The following AVEN variants were observed in gnomAD, a reference collection of about 807,000 sequenced individuals.
The protein encoded by AVEN is cell death regulator Aven.
In AVEN, 41 loss-of-function variants were observed where a neutral mutation model predicts 38.1. The observed-to-expected ratio is 1.08, with a 90% confidence interval of 0.84 to 1.40. AVEN has a LOEUF of 1.40. AVEN is among the 40% of genes most tolerant of loss of function. The pLI is 0.00. For missense variants in AVEN, 605 were observed against 438.8 expected, an observed-to-expected ratio of 1.38 and a Z score of -3.38; for synonymous variants, 206 against 171.8, an observed-to-expected ratio of 1.20 and a Z score of -1.56.
intron 2 of AVEN, among the ~76,000 whole-genome samples, chr15:33,896,300 T>A (rs1892229844): frequency 6.6e-6 from 1 of 152,044 alleles, no homozygotes; most frequent in Admixed American, 6.5e-5. Flanking sequence ...GACACAGATA[T>A]GAAATTAGCA....
At chr15:33,916,759 A>G (rs1194868346) in intron 2 of AVEN, among the ~76,000 whole-genome samples, 1 of 152,074 alleles carries the variant, frequency 6.6e-6, no homozygotes, top group African/African-American at 2.4e-5. Context: ...TAGTACAACC[A>G]TCGTTATTAG....
At chr15:33,854,794 C>G (rs1307962205), downstream of AVEN, 6 of 1,612,848 alleles carry the variant, frequency 3.7e-6, no homozygotes, top group East Asian at 8.9e-5. Context: ...TGGTATACAA[C>G]CATGTCAGTC....
chr15:34,033,779 T>G (rs1898975164), intron 1 of AVEN, among the ~76,000 whole-genome samples: 1 of 151,016 alleles, frequency 6.6e-6, no homozygotes, highest in African/African-American at 2.4e-5. Context: ...TACTAAAGAG[T>G]TGGGTTTTGT....
At chr15:33,914,822 A>G (rs1893062569) in intron 2 of AVEN, among the ~76,000 whole-genome samples, 1 of 152,094 alleles carries the variant, frequency 6.6e-6, no homozygotes, top group Non-Finnish European at 1.5e-5. Flanking sequence ...ATATCAGTAT[A>G]TGTACATATA....
chr15:34,045,779 A>T (rs1267389374), intron 5 of AVEN, among the ~76,000 whole-genome samples: 1 of 152,114 alleles, frequency 6.6e-6, no homozygotes, highest in Non-Finnish European at 1.5e-5. Flanking sequence ...AGTCCACTCG[A>T]CAAGAAAAGG....
intron 2 of AVEN, among the ~76,000 whole-genome samples, chr15:33,998,767 C>G (rs762786040): frequency 2.0e-4 from 30 of 152,322 alleles, no homozygotes; most frequent in Non-Finnish European, 4.3e-4. Context: ...ACACTACACT[C>G]TCTGGTTCTT....
chr15:33,861,813 C>CT (rs948341108), downstream of AVEN, among the ~76,000 whole-genome samples: 1 of 151,902 alleles, frequency 6.6e-6, no homozygotes, highest in Admixed American at 6.6e-5. Context: ...TTCATACTGC[C>CT]TTTTTTTGTT....
intron 2 of AVEN, among the ~76,000 whole-genome samples, chr15:33,888,812 G>A (rs527588498): frequency 1.3e-5 from 2 of 152,134 alleles, no homozygotes; most frequent in African/African-American, 2.4e-5. Context: ...GTGCAGTGGC[G>A]CGATCTTGGC....
chr15:34,044,249 C>CT (rs1410997303), intron 5 of AVEN, among the ~76,000 whole-genome samples: 2 of 152,158 alleles, frequency 1.3e-5, no homozygotes, highest in Non-Finnish European at 2.9e-5. Context: ...CTCCTCAAGC[C>CT]TTTTGTGCCC....
intron 2 of AVEN, among the ~76,000 whole-genome samples, chr15:33,920,629 C>T (rs552722920): frequency 2.4e-4 from 37 of 152,222 alleles, no homozygotes; most frequent in African/African-American, 6.5e-4. Context: ...ACTTTAAAAA[C>T]GCAAAGAAAA....
chr15:34,016,241 C>CA (rs1160222200), intron 1 of AVEN, among the ~76,000 whole-genome samples: 1 of 152,124 alleles, frequency 6.6e-6, no homozygotes, highest in Non-Finnish European at 1.5e-5. Flanking sequence ...TCTCAAAAAA[C>CA]AAAAACAAAA....
At chr15:33,861,243 T>C (rs1008620613), downstream of AVEN, 6 of 1,174,412 alleles carry the variant, frequency 5.1e-6, no homozygotes, top group East Asian at 2.6e-5. Flanking sequence ...TTAGGTCATA[T>C]AGTTCAGTCT....
At chr15:33,878,514 T>C (rs376567239) in intron 2 of AVEN, among the ~76,000 whole-genome samples, 4 of 152,172 alleles carry the variant, frequency 2.6e-5, no homozygotes, top group East Asian at 1.9e-4. Context: ...GAATCAGATA[T>C]TTAAGTGTTC....
At position 34,002,940 on chromosome 15, in the gene AVEN, G is replaced by T. The variant is rs1897193344; in HGVS notation, c.445+92C>A. 12 of 1,136,422 alleles carry T rather than the reference G, an allele frequency of 1.1e-5. No individual in the cohort carries two copies. In the South Asian group the frequency reaches 1.8e-4, roughly 17 times the overall value. 70.4% of individuals were successfully genotyped at this position (1,136,422 alleles called of 1,614,324 possible). On this transcript the variant is annotated intron_variant, in intron 2 of 5. Transcript: ENST00000306730. The stretch of plus-strand genomic sequence containing the variant: ...AAATCCAAAGAACAAAGGATAAATT[G>T]CTAGTTATAAAAGTAGAATTTAAAA...
At chr15:33,865,321 A>T, downstream of AVEN, 2 of 817,360 alleles carry the variant, frequency 2.4e-6, no homozygotes, top group South Asian at 1.8e-5. Context: ...GAAATGTGAC[A>T]TTTTCTAAAT....
chr15:33,969,614 G>GA (rs1399065407), intron 2 of AVEN, among the ~76,000 whole-genome samples: 4 of 151,512 alleles, frequency 2.6e-5, no homozygotes, highest in African/African-American at 7.2e-5. Context: ...TTGTTACTAA[G>GA]AAAAAAAAGC....
intron 2 of AVEN, among the ~76,000 whole-genome samples, chr15:33,936,902 C>T (rs572770047): frequency 0.012 from 1,776 of 152,108 alleles, 11 homozygotes; most frequent in Non-Finnish European, 0.019. Flanking sequence ...GAGGCCGAGG[C>T]GGGCGGATCA....
chr15:33,964,359 G>A (rs1330049476), intron 2 of AVEN, among the ~76,000 whole-genome samples: 1 of 152,086 alleles, frequency 6.6e-6, no homozygotes, highest in Non-Finnish European at 1.5e-5. Flanking sequence ...CAAATAATAG[G>A]TCACAGGTTA....
Position 34,039,151 on chromosome 15 carries a change from C to A in AVEN, c.-105G>T, listed in dbSNP as rs918327755. 6.9e-5 allele frequency: 67 copies of A among 967,358 alleles called. No homozygotes were observed. Among genetic ancestry groups the A allele is most frequent in the Non-Finnish European group, 7.6e-5 (61 of 802,632 alleles). The allele number at this position is 967,358 out of a possible 1,614,324, so 59.9% of individuals were successfully genotyped here. A position where few individuals can be genotyped will look rare whatever the true frequency, so the allele number is the denominator to read the frequency against. On this transcript the variant is annotated 5_prime_UTR_variant, in exon 1 of 6. Transcript: ENST00000306730. ...ACGGAGGAGCCGCGAGCGAAAGGCG[C>A]CCGGTAGCAGCGAGGCGCGGGGTGC...
Sources: allele counts gnomAD v4.1 joint callset (sites outside exome capture counted in the v4.1 genomes callset), GRCh38; gene constraint gnomAD v4.1.1; transcripts MANE v1.5; gene names NCBI Gene and HGNC (gene_info 2026-07-23, HGNC 2026-07-21).